Variants in CNGA1 observed in about 807,000 individuals in gnomAD.
CNGA1 encodes the protein cyclic nucleotide-gated channel alpha-1.
A neutral mutation model predicts 69.7 loss-of-function variants in CNGA1; 53 were observed. That is an observed-to-expected ratio of 0.76 (90% confidence interval 0.61 to 0.96). CNGA1 has a LOEUF of 0.96. Among genes scored for constraint, CNGA1 ranks in the 40% least tolerant of loss-of-function variants. The pLI, the probability that CNGA1 is intolerant of heterozygous loss-of-function variation, is 0.00. For synonymous variants in CNGA1, 249 were observed against 283.5 expected (o/e 0.88, Z 1.22); for missense variants, 739 against 811.2 (o/e 0.91, Z 1.08).
chr4:48,008,174 AGTTTTGGG>A (rs1715002193), intron 2 of CNGA1, among the ~76,000 whole-genome samples: 1 of 151,838 alleles, frequency 6.6e-6, no homozygotes. Context: ...TGATCATATA[AGTTTTGGG>A]GTTTTTTTTA....
chr4:47,969,420 G>A (rs1740893719), intron 3 of CNGA1, among the ~76,000 whole-genome samples: 1 of 152,076 alleles, frequency 6.6e-6, no homozygotes, highest in Non-Finnish European at 1.5e-5. Context: ...TGGGAGAAAT[G>A]AGAAAATTTT....
chr4:47,967,849 G>C (rs898123810), intron 3 of CNGA1, among the ~76,000 whole-genome samples: 2 of 152,014 alleles, frequency 1.3e-5, no homozygotes, highest in Non-Finnish European at 2.9e-5. Flanking sequence ...GTGGTGGTGG[G>C]TGCCTGTGGT....
chr4:47,981,524 A>G (rs764416451), intron 2 of CNGA1, 24 bp from the exon 3 acceptor site: 7 of 152,178 alleles, frequency 4.6e-5, no homozygotes, highest in Non-Finnish European at 8.8e-5. Flanking sequence ...AATAATAAAC[A>G]TGCTGATTTT....
In CNGA1 at chr4:47,951,352, C is replaced by A; in HGVS notation, c.224+1G>T. On this transcript the variant is annotated splice_donor_variant, in intron 5 of 10. Coordinates refer to ENST00000514170, the MANE Select transcript of CNGA1 (RefSeq NM_001379270.1). LOFTEE classifies it high-confidence loss of function. ...ACCAAGGGATGGATCATACTGCTCA[C>A]CTCTGTGATGGTCCTCCCTTTCTGA... The A allele has an allele frequency of 6.3e-7, 1 of 1,579,774 alleles. No homozygotes were observed. The highest frequency in any genetic ancestry group is 1.7e-4 in the Middle Eastern group (1 of 5,796).
In CNGA1 at chr4:47,955,173, C is replaced by CT. The variant is rs377338639; in HGVS notation, c.-14-2471dup. Among the ~76,000 whole-genome samples the CT allele has an allele frequency of 4.8e-3, 473 of 98,162 alleles. 16 individuals carry two copies. Among genetic ancestry groups the CT allele is most frequent in the South Asian group, 7.6e-3 (22 of 2,890 alleles). The allele number at this position is 98,162 out of a possible 152,430, so 64.4% of individuals were successfully genotyped here. A position where few individuals can be genotyped will look rare whatever the true frequency, so the allele number is the denominator to read the frequency against. ...TTTTTCTCTGTCTCTTTTTTCTTTT[C>CT]TTTTTTTTTTTTTTTTTTTTTTTTT... On this transcript the variant is annotated intron_variant, in intron 3 of 10. Transcript: ENST00000514170.
In CNGA1 at chr4:47,936,976, A is replaced by C. The variant is rs1160651707; in HGVS notation, c.1506T>G (p.Ile502Met). ...CTCGTCCGATATCCCCTTTCTTGCA[A>C]ATATAATCTCCAGGACTGTAGACTT... ...QPQVYSPGDY[I>M]CKKGDIGREM... is the part of the protein sequence containing the mutation. Residue 502 changes from isoleucine (I) to methionine (M), a missense_variant, in exon 11 of 11, where the codon ATT (isoleucine) becomes ATG (methionine). Ile to Met is a conservative substitution (Grantham distance 10, BLOSUM62 1). Transcript: ENST00000514170. 6.2e-7 allele frequency: 1 copy of C among 1,613,894 alleles called. No individual in the cohort carries two copies. The highest frequency in any genetic ancestry group is 1.7e-5 in the Admixed American group (1 of 59,998).
At chr4:47,968,090 G>C (rs949564240) in intron 3 of CNGA1, among the ~76,000 whole-genome samples, 1 of 152,162 alleles carries the variant, frequency 6.6e-6, no homozygotes, top group Non-Finnish European at 1.5e-5. Flanking sequence ...ATCCAAAGAT[G>C]AGTATGCCCC....
Position 47,971,231 on chromosome 4 carries a change from G to C in CNGA1, c.-15+10162C>G, listed in dbSNP as rs1322773998. 1.3e-5 allele frequency: 4 copies of C among 315,030 alleles called. No homozygotes were observed. In the East Asian group the frequency reaches 3.4e-4, roughly 27 times the overall value. The allele number at this position is 315,030 out of a possible 1,614,324, so 19.5% of individuals were successfully genotyped here. On this transcript the variant is annotated intron_variant, in intron 3 of 10. Transcript: ENST00000514170. ...TAAAGGAGTGGTGAGAATCTCTCTG[G>C]AAAAATGCAACAAGAAAGTGGTAAC...
Position 47,952,667 on chromosome 4 carries a change from GTATTGATAA to G in CNGA1, c.14_22del (p.Ile5_Asn7del). The G allele has an allele frequency of 6.2e-7, 1 of 1,605,606 alleles. No homozygotes were observed. The highest frequency in any genetic ancestry group is 2.2e-5 in the East Asian group (1 of 44,678). ...GGGCATGGTTACAAAAGACTGCTGT[GTATTGATAA>G]TATTGTTCTTCATGGATAGTTTCAT... On this transcript the variant is annotated inframe_deletion, in exon 4 of 11. Transcript: ENST00000514170.
chr4:47,999,959 T>C (rs979052049), intron 2 of CNGA1, among the ~76,000 whole-genome samples: 20 of 152,156 alleles, frequency 1.3e-4, no homozygotes, highest in African/African-American at 4.8e-4. Context: ...ATAAATCATT[T>C]ATATAATCAA....
intron 3 of CNGA1, among the ~76,000 whole-genome samples, chr4:47,955,099 C>T (rs1739985785): frequency 6.6e-6 from 1 of 151,772 alleles, no homozygotes; most frequent in South Asian, 2.1e-4. Context: ...TGTGTACATG[C>T]CTCAGTGACT....
chr4:47,988,845 C>T (rs1742106724), intron 2 of CNGA1, among the ~76,000 whole-genome samples: 1 of 151,720 alleles, frequency 6.6e-6, no homozygotes, highest in South Asian at 2.1e-4. Context: ...ACAGTCATCC[C>T]TAGGTATACG....
At chr4:47,977,367 A>G (rs886583321) in intron 3 of CNGA1, among the ~76,000 whole-genome samples, 2 of 152,224 alleles carry the variant, frequency 1.3e-5, no homozygotes, top group Admixed American at 1.3e-4. Context: ...GGGAGGCCTC[A>G]GAAGAAACCA....
rs550831196 is a variant in CNGA1, at chr4:47,937,318, G to A, written c.1164C>T (p.Ile388=). 3.7e-6 allele frequency: 6 copies of A among 1,613,822 alleles called. No individual in the cohort carries two copies. Among genetic ancestry groups the A allele is most frequent in the East Asian group, 2.2e-5 (1 of 44,886 alleles). Residue 388 remains isoleucine, a synonymous_variant, in exon 11 of 11, where the codon ATC becomes ATT. Transcript: ENST00000514170. ...FLIGVLIFAT[I]VGNIGSMISN... is the part of the protein sequence containing the mutation. ...AAATCATAGAACCTATGTTACCAAC[G>A]ATGGTAGCAAAAATTAACACTCCAA...
intron 3 of CNGA1, among the ~76,000 whole-genome samples, chr4:47,975,484 A>G (rs1741298979): frequency 6.6e-6 from 1 of 152,192 alleles, no homozygotes; most frequent in African/African-American, 2.4e-5. Context: ...TCAAAAGTCA[A>G]TTAACTAAAA....
At chr4:47,940,934 C>G (rs755625398) in intron 9 of CNGA1, 65 bp from the exon 10 acceptor site, 1 of 1,068,612 alleles carries the variant, frequency 9.4e-7, no homozygotes, top group Non-Finnish European at 1.4e-6. Flanking sequence ...TAAAAGTTCT[C>G]TTTGTATATT....
At chr4:47,938,839 G>A (rs974515837) in intron 10 of CNGA1, among the ~76,000 whole-genome samples, 1 of 151,950 alleles carries the variant, frequency 6.6e-6, no homozygotes, top group African/African-American at 2.4e-5. Context: ...CACTTTGGAA[G>A]GCTGAGGCAG....
chr4:47,986,742 A>C (rs1334118928), intron 2 of CNGA1, among the ~76,000 whole-genome samples: 1 of 152,140 alleles, frequency 6.6e-6, no homozygotes, highest in East Asian at 1.9e-4. Flanking sequence ...CAAACAAAAA[A>C]ATAAAAAAAA....
At chr4:47,981,109 C>T (rs1209968280) in intron 3 of CNGA1, among the ~76,000 whole-genome samples, 1 of 152,062 alleles carries the variant, frequency 6.6e-6, no homozygotes, top group Admixed American at 6.6e-5. Context: ...ACATACCTGT[C>T]AAAGGTATTG....
Sources: gnomAD v4.1 joint callset for allele counts (sites outside exome capture counted in the v4.1 genomes callset) on GRCh38, gnomAD v4.1.1 for gene constraint, MANE v1.5 for transcripts, NCBI Gene and HGNC (gene_info 2026-07-23, HGNC 2026-07-21) for gene names.